The following MACROD2 variants were observed in gnomAD, a reference collection of about 807,000 sequenced individuals.
The protein encoded by MACROD2 is mono-ADP ribosylhydrolase 2.
A neutral mutation model predicts 70.4 loss-of-function variants in MACROD2; 36 were observed. The ratio of observed to expected loss-of-function variants is 0.51; its 90% CI spans 0.39 to 0.68. The LOEUF (loss-of-function observed/expected upper bound fraction) is 0.68. Among genes scored for constraint, MACROD2 ranks in the 30% least tolerant of loss-of-function variants. MACROD2 has a pLI of 0.00. For missense variants in MACROD2, 496 were observed against 538.4 expected, an observed-to-expected ratio of 0.92 and a Z score of 0.78; for synonymous variants, 172 against 178.8, an observed-to-expected ratio of 0.96 and a Z score of 0.30.
chr20:15,940,279 A>G (rs182086460), intron 12 of MACROD2, among the ~76,000 whole-genome samples: 341 of 149,540 alleles, frequency 2.3e-3, no homozygotes, highest in African/African-American at 8.1e-3. Context: ...TTTTTTAAGT[A>G]GAGACGGGGT....
chr20:15,557,559 A>G (rs2048184435), intron 8 of MACROD2, among the ~76,000 whole-genome samples: 1 of 152,232 alleles, frequency 6.6e-6, no homozygotes, highest in Non-Finnish European at 1.5e-5. Context: ...TCCCCAAACC[A>G]GAGCTTTAAA....
intron 5 of MACROD2, chr20:14,888,452 C>T (rs373982103): frequency 6.6e-6 from 1 of 152,194 alleles, no homozygotes; most frequent in East Asian, 1.9e-4. Flanking sequence ...ATATACACTT[C>T]TGTAAATCTC....
intron 3 of MACROD2, among the ~76,000 whole-genome samples, chr20:14,243,406 A>G (rs574423452): frequency 6.6e-6 from 1 of 152,188 alleles, no homozygotes; most frequent in African/African-American, 2.4e-5. Flanking sequence ...CAAATGGTTA[A>G]TTTGATTGAA....
chr20:15,979,495 A>G (rs1294737208), intron 13 of MACROD2, among the ~76,000 whole-genome samples: 1 of 152,140 alleles, frequency 6.6e-6, no homozygotes, highest in Non-Finnish European at 1.5e-5. Context: ...ATCCTCTTTT[A>G]GGACGAAGTA....
At chr20:15,193,476 C>T (rs1167873655) in intron 5 of MACROD2, among the ~76,000 whole-genome samples, 1 of 151,950 alleles carries the variant, frequency 6.6e-6, no homozygotes, top group Non-Finnish European at 1.5e-5. Context: ...GACCCCATGC[C>T]TACAAATATA....
chr20:15,521,618 T>A (rs2047654063), intron 8 of MACROD2, among the ~76,000 whole-genome samples: 1 of 152,178 alleles, frequency 6.6e-6, no homozygotes, highest in Non-Finnish European at 1.5e-5. Flanking sequence ...TGTGTAAAAA[T>A]GTAAATAACA....
At chr20:14,071,108 A>T (rs1343981753) in intron 2 of MACROD2, among the ~76,000 whole-genome samples, 1 of 152,176 alleles carries the variant, frequency 6.6e-6, no homozygotes, top group East Asian at 1.9e-4. Context: ...AAGTGATGAA[A>T]CAATTTTAAA....
chr20:15,255,051 A>G (rs1419697965), intron 6 of MACROD2, among the ~76,000 whole-genome samples: 3 of 150,846 alleles, frequency 2.0e-5, no homozygotes, highest in Non-Finnish European at 4.4e-5. Context: ...CTAGCATTCC[A>G]GAAAGCTTTG....
chr20:15,872,603 G>T (rs1183377457), intron 9 of MACROD2, among the ~76,000 whole-genome samples: 1 of 152,028 alleles, frequency 6.6e-6, no homozygotes, highest in African/African-American at 2.4e-5. Flanking sequence ...ATAAATGAAA[G>T]TTCACTAGAT....
At chr20:15,234,312 G>C (rs2076994304) in intron 6 of MACROD2, among the ~76,000 whole-genome samples, 1 of 151,256 alleles carries the variant, frequency 6.6e-6, no homozygotes, top group Non-Finnish European at 1.5e-5. Flanking sequence ...GATTACAAGC[G>C]TGAGCCACCG....
At chr20:14,216,134 T>G (rs2122151778) in intron 3 of MACROD2, among the ~76,000 whole-genome samples, 1 of 152,316 alleles carries the variant, frequency 6.6e-6, no homozygotes, top group Non-Finnish European at 1.5e-5. Flanking sequence ...TGTTAATAGT[T>G]TCAGGTCTTA....
intron 6 of MACROD2, among the ~76,000 whole-genome samples, chr20:15,421,562 C>A (rs2046228704): frequency 6.6e-6 from 1 of 152,122 alleles, no homozygotes; most frequent in South Asian, 2.1e-4. Context: ...ATTGAATGAT[C>A]TCCTAAGACC....
intron 5 of MACROD2, among the ~76,000 whole-genome samples, chr20:15,054,885 T>C (rs2075471230): frequency 6.6e-6 from 1 of 151,694 alleles, no homozygotes; most frequent in Admixed American, 6.6e-5. Flanking sequence ...CAGGTTCAAG[T>C]GATTCACCTG....
chr20:15,060,106 C>T (rs530168421), intron 5 of MACROD2, among the ~76,000 whole-genome samples: 6 of 152,328 alleles, frequency 3.9e-5, no homozygotes, highest in African/African-American at 1.4e-4. Context: ...ATTCGTGTTA[C>T]ACCCTTGGGA....
chr20:14,822,751 T>C (rs1188661649), intron 5 of MACROD2, among the ~76,000 whole-genome samples: 1 of 152,122 alleles, frequency 6.6e-6, no homozygotes, highest in Admixed American at 6.6e-5. Context: ...AATAAAAATG[T>C]GCTTTGATAG....
intron 9 of MACROD2, among the ~76,000 whole-genome samples, chr20:15,864,755 C>T (rs1203288255): frequency 1.3e-5 from 2 of 152,028 alleles, no homozygotes; most frequent in African/African-American, 2.4e-5. Flanking sequence ...TAAAATCATC[C>T]TCAATCTCAC....
At chr20:14,564,100 C>T (rs577166939) in intron 4 of MACROD2, among the ~76,000 whole-genome samples, 9 of 151,832 alleles carry the variant, frequency 5.9e-5, no homozygotes, top group Non-Finnish European at 1.2e-4. Context: ...GGGGAATGAA[C>T]ATCTTATTCA....
intron 5 of MACROD2, among the ~76,000 whole-genome samples, chr20:15,118,195 A>T (rs1046772376): frequency 8.8e-6 from 1 of 113,786 alleles, no homozygotes; most frequent in East Asian, 2.1e-4. Flanking sequence ...TTTAATTTTA[A>T]ATTTTTTTTT....
At chr20:15,244,132 A>G (rs1229563991) in intron 6 of MACROD2, among the ~76,000 whole-genome samples, 1 of 152,128 alleles carries the variant, frequency 6.6e-6, no homozygotes, top group Non-Finnish European at 1.5e-5. Context: ...TATATGGTGG[A>G]AATAGTATAT....
Sources: allele counts gnomAD v4.1 joint callset (sites outside exome capture counted in the v4.1 genomes callset), GRCh38; gene constraint gnomAD v4.1.1; transcripts MANE v1.5; gene names NCBI Gene and HGNC (gene_info 2026-07-23, HGNC 2026-07-21).